Variants in MPHOSPH9 observed in about 807,000 individuals in gnomAD.
The protein encoded by MPHOSPH9 is M-phase phosphoprotein 9.
MPHOSPH9 carries 88 observed loss-of-function variants against 145.5 expected under a neutral mutation model. The ratio of observed to expected loss-of-function variants is 0.60; its 90% CI spans 0.51 to 0.72. The LOEUF is 0.72. MPHOSPH9 is among the 30% of genes least tolerant of loss of function. The pLI is 0.00. For synonymous variants in MPHOSPH9, 435 were observed against 486.2 expected, an observed-to-expected ratio of 0.89 and a Z score of 1.39; for missense variants, 1,238 against 1,386.6, an observed-to-expected ratio of 0.89 and a Z score of 1.70.
intron 15 of MPHOSPH9, 107 bp downstream of exon 15, chr12:123,179,819 A>G (rs2045048086): frequency 1.7e-6 from 1 of 573,692 alleles, no homozygotes; most frequent in African/African-American, 2.0e-5. Flanking sequence ...ACTAGTTCTC[A>G]AACTGCTTAA....
rs1382808108 is a variant in MPHOSPH9, at chr12:123,194,530, C to T, written c.2097G>A (p.Met699Ile). The T allele has an allele frequency of 1.2e-6, 2 of 1,613,118 alleles. No homozygotes were observed. Among genetic ancestry groups the T allele is most frequent in the East Asian group, 2.2e-5 (1 of 44,852 alleles). Residue 699 changes from methionine (M) to isoleucine (I), a missense_variant, in exon 13 of 24, where the codon ATG becomes ATA. Physicochemically the swap from Met to Ile is conservative, Grantham distance 10. This residue lies in a region of MPHOSPH9 where 837 missense variants were observed against 897.5 expected (regional missense o/e 0.93). Coordinates refer to ENST00000606320, the MANE Select transcript of MPHOSPH9 (RefSeq NM_022782.4). ...TGTCTTTTTCTTTACTGCTTGTTCT[C>T]ATTTCTTCAATTCGTTCCTGCAAAA... ...SKILQERIEEMRTSSKEKDNT... is the reference protein window; with the variant it reads ...SKILQERIEEIRTSSKEKDNT...
Position 123,221,814 on chromosome 12 carries a change from T to C in MPHOSPH9, c.430A>G (p.Asn144Asp). 1 of 1,613,818 alleles carries C rather than the reference T, an allele frequency of 6.2e-7. No individual in the cohort carries two copies. The highest frequency in any genetic ancestry group is 8.5e-7 in the Non-Finnish European group (1 of 1,179,960). The change falls in exon 5 of 24, where the codon AAC becomes GAC. Residue 144 changes from asparagine (N) to aspartate (D), a missense_variant. Asn to Asp is a conservative substitution (Grantham distance 23). Around this residue, in one of 3 missense-constraint regions of MPHOSPH9, gnomAD observed 837 missense variants for 897.5 expected, o/e 0.93. Transcript: ENST00000606320. ...SLASCEGNSSNKQVSSESQMG... is the reference protein window; with the variant it reads ...SLASCEGNSSDKQVSSESQMG... ...TGACTTTCCGAAGATACTTGTTTGT[T>C]TGAAGAATTTCCTTCACAGGAAGCT...
At chr12:123,168,503 G>A (rs560490605) in intron 16 of MPHOSPH9, among the ~76,000 whole-genome samples, 153 of 151,864 alleles carry the variant, frequency 1.0e-3, no homozygotes, top group African/African-American at 3.3e-3. Flanking sequence ...CACCACGCCC[G>A]GCTAATTTTT....
chr12:123,237,775 T>C (rs1256830785), upstream of MPHOSPH9, among the ~76,000 whole-genome samples: 1 of 152,234 alleles, frequency 6.6e-6, no homozygotes, highest in Non-Finnish European at 1.5e-5. Flanking sequence ...TGGTTCCATT[T>C]GAGAGGTTTC....
chr12:123,216,992 AAAATAAAT>A (rs147074304), intron 6 of MPHOSPH9, among the ~76,000 whole-genome samples: 4 of 149,184 alleles, frequency 2.7e-5, no homozygotes, highest in African/African-American at 7.3e-5. Context: ...CCATGTCAAA[AAAATAAAT>A]AAATAAATAA....
chr12:123,226,295 A>C, intron 3 of MPHOSPH9: 2 of 1,125,170 alleles, frequency 1.8e-6, no homozygotes, highest in Non-Finnish European at 2.2e-6. Context: ...TACACTTAGC[A>C]GTTGCTGCTA....
intron 13 of MPHOSPH9, among the ~76,000 whole-genome samples, chr12:123,193,104 T>C (rs1419200571): frequency 9.8e-6 from 1 of 102,168 alleles, no homozygotes; most frequent in African/African-American, 3.9e-5. Context: ...AAAATATATA[T>C]ATATACACAC....
At chr12:123,175,012 C>T (rs2044767633) in intron 16 of MPHOSPH9, among the ~76,000 whole-genome samples, 1 of 152,210 alleles carries the variant, frequency 6.6e-6, no homozygotes. Context: ...CCTAGCACTG[C>T]ACCAGACTAA....
chr12:123,233,487 G>C (rs1052199946), upstream of MPHOSPH9: 2 of 152,258 alleles, frequency 1.3e-5, no homozygotes, highest in East Asian at 3.8e-4. Flanking sequence ...AGGTGATTTG[G>C]ATATCCCTAG....
chr12:123,203,815 C>A (rs1161405076), intron 8 of MPHOSPH9, among the ~76,000 whole-genome samples: 1 of 152,110 alleles, frequency 6.6e-6, no homozygotes, highest in Non-Finnish European at 1.5e-5. Flanking sequence ...TCCCAAGTTG[C>A]TGGGACTACA....
upstream of MPHOSPH9, among the ~76,000 whole-genome samples, chr12:123,235,045 T>A (rs1317602979): frequency 6.6e-6 from 1 of 152,178 alleles, no homozygotes; most frequent in African/African-American, 2.4e-5. Context: ...GCCGATGAAA[T>A]AATCAGTTCC....
chr12:123,163,135 C>A lies in MPHOSPH9; in HGVS notation c.2909-1G>T. 1 of 1,572,740 alleles carries A rather than the reference C, an allele frequency of 6.4e-7. No individual in the cohort carries two copies. Among genetic ancestry groups the A allele is most frequent in the Non-Finnish European group, 8.6e-7 (1 of 1,166,646 alleles). On this transcript the variant is annotated splice_acceptor_variant, in intron 19 of 23. Transcript: ENST00000606320. LOFTEE classifies it high-confidence loss of function. Reference sequence around the variant, plus strand: ...GGTGTTAGCATAATCTCTCTTTTTGCTATAGAAGAAAATGAAGAGGAAATA... The same window carrying A: ...GGTGTTAGCATAATCTCTCTTTTTGATATAGAAGAAAATGAAGAGGAAATA...
upstream of MPHOSPH9, among the ~76,000 whole-genome samples, chr12:123,235,795 G>A (rs1024546914): frequency 2.6e-5 from 4 of 152,016 alleles, no homozygotes; most frequent in African/African-American, 9.7e-5. Context: ...CGGGCGTGGT[G>A]GCTCATGCCT....
chr12:123,177,726 T>C (rs917555673), intron 15 of MPHOSPH9, among the ~76,000 whole-genome samples: 25 of 152,190 alleles, frequency 1.6e-4, no homozygotes, highest in Middle Eastern at 3.4e-3. Context: ...AACATAAAAT[T>C]GTCAAATAAA....
intron 1 of MPHOSPH9, among the ~76,000 whole-genome samples, chr12:123,241,423 T>C (rs1336085058): frequency 6.6e-6 from 1 of 152,156 alleles, no homozygotes; most frequent in Non-Finnish European, 1.5e-5. Context: ...CTACAACCTC[T>C]GCCTCCCGGG....
intron 20 of MPHOSPH9, 162 bp downstream of exon 20, chr12:123,162,852 G>A: frequency 1.6e-6 from 1 of 625,384 alleles, no homozygotes; most frequent in Non-Finnish European, 2.5e-6. Context: ...TCATTGTACT[G>A]CAGTACTTTA....
chr12:123,221,664 A>G lies in MPHOSPH9; in HGVS notation c.580T>C (p.Ser194Pro). The G allele has an allele frequency of 1.9e-6, 3 of 1,614,134 alleles. No individual in the cohort carries two copies. Among genetic ancestry groups the G allele is most frequent in the South Asian group, 2.2e-5 (2 of 91,076 alleles). Residue 194 changes from serine (S) to proline (P), a missense_variant, in exon 5 of 24, where the codon TCA becomes CCA. Physicochemically the swap from Ser to Pro is moderately conservative, Grantham distance 74 (BLOSUM62 -1). Coordinates refer to ENST00000606320, the MANE Select transcript of MPHOSPH9 (RefSeq NM_022782.4). ...AAGGTGCCATATCCACTGCTTACTG[A>G]GCAACTATCCACATTGCAGTCTGGT... ...SQPDCNVDSC[S>P]VSSGYGTFCI...
chr12:123,203,098 A>G lies in MPHOSPH9; in HGVS notation c.1321-14T>C, dbSNP rs1008504077. On this transcript the variant is annotated splice_polypyrimidine_tract_variant and intron_variant, in intron 9 of 23. Transcript: ENST00000606320. ...TAGAGTCAGGACCTGGAAACCAGAC[A>G]ACAACGAAGTCTTACCCTCAGAACT... The G allele has an allele frequency of 6.2e-7, 1 of 1,606,032 alleles. No homozygotes were observed. The highest frequency in any genetic ancestry group is 8.5e-7 in the Non-Finnish European group (1 of 1,176,638).
At chr12:123,161,449 A>G in intron 21 of MPHOSPH9, 66 bp from the exon 22 acceptor site, 1 of 1,549,454 alleles carries the variant, frequency 6.5e-7, no homozygotes, top group Non-Finnish European at 8.8e-7. Context: ...CATATATATT[A>G]AATATGTTGC....
Sources: allele counts gnomAD v4.1 joint callset (sites outside exome capture counted in the v4.1 genomes callset), GRCh38; gene constraint gnomAD v4.1.1; regional missense constraint gnomAD v4.1.1; transcripts MANE v1.5; gene names NCBI Gene and HGNC (gene_info 2026-07-23, HGNC 2026-07-21).